Variants in OVGP1 observed in about 807,000 individuals in gnomAD.
OVGP1 encodes oviduct-specific glycoprotein.
A neutral mutation model predicts 48.2 loss-of-function variants in OVGP1; 26 were observed. The ratio of observed to expected loss-of-function variants is 0.54; its 90% CI spans 0.40 to 0.75. The LOEUF is 0.75. Ranked by LOEUF, OVGP1 falls within the 30% of genes least tolerant of loss-of-function variation. The probability of loss-of-function intolerance (pLI) is 0.00; values close to 1 mark genes in which losing one functional copy is unlikely to be tolerated. For synonymous variants in OVGP1, 294 were observed against 305.7 expected, an observed-to-expected ratio of 0.96 and a Z score of 0.40; for missense variants, 791 against 820.6, an observed-to-expected ratio of 0.96 and a Z score of 0.44.
chr1:111,418,717 C>T lies in OVGP1; in HGVS notation c.1020+893G>A, dbSNP rs533115118. ...TCATGCTTGGACACCTCTGTGTCCA[C>T]GCCCAGAGCTCCCAAAATGCCAACT... On this transcript the variant is annotated intron_variant, in intron 9 of 10. Transcript: ENST00000369732. 4.6e-5 allele frequency among the ~76,000 whole-genome samples: 7 copies of T among 152,352 alleles called. 1 individual carries two copies. The South Asian group carries it at 1.0e-3, about 23-fold the overall frequency.
intron 4 of OVGP1, among the ~76,000 whole-genome samples, chr1:111,424,877 C>T (rs372339528): frequency 1.6e-4 from 25 of 152,210 alleles, no homozygotes; most frequent in East Asian, 9.6e-4. Context: ...GTAATCTCCA[C>T]GTTGTCTCAT....
intron 3 of OVGP1, among the ~76,000 whole-genome samples, 155 bp downstream of exon 3, chr1:111,426,282 G>C (rs146132330): frequency 6.6e-6 from 1 of 152,182 alleles, no homozygotes; most frequent in Non-Finnish European, 1.5e-5. Flanking sequence ...TCTGTGACAA[G>C]GAGTTCTCAA....
chr1:111,426,834 A>G, intron 2 of OVGP1, 193 bp from the exon 3 acceptor site: 2 of 1,547,702 alleles, frequency 1.3e-6, no homozygotes, highest in Non-Finnish European at 1.7e-6. Flanking sequence ...CAGGAAGAAA[A>G]CAATGCCTTG....
In OVGP1 at chr1:111,414,779, C is replaced by A. The variant is rs2101720751; in HGVS notation, c.1722G>T (p.Val574=). ...CTGATATGTTTCTGGAGGGGACAGT[C>A]ACCTTTTCACGGGCCACAGCCTTCC... The part of the protein sequence containing the change: ...PRRKAVAREK[V]TVPSRNISVT... Residue 574 remains valine, a synonymous_variant, in exon 11 of 11, where the codon GTG becomes GTT. Transcript: ENST00000369732. 6.2e-7 allele frequency: 1 copy of A among 1,606,052 alleles called. No homozygotes were observed. The highest frequency in any genetic ancestry group is 1.1e-5 in the South Asian group (1 of 90,544).
intron 3 of OVGP1, 152 bp downstream of exon 3, chr1:111,426,285 G>A (rs1244672264): frequency 2.0e-6 from 2 of 985,706 alleles, no homozygotes; most frequent in Non-Finnish European, 2.9e-6. Context: ...GTGACAAGGA[G>A]TTCTCAAGTT....
chr1:111,419,756 G>T (rs1266023246), intron 8 of OVGP1, 30 bp from the exon 9 acceptor site: 2 of 1,351,038 alleles, frequency 1.5e-6, no homozygotes, highest in South Asian at 2.3e-5. Context: ...GTTAGTTCTG[G>T]GAAGTGCCAT....
At chr1:111,426,799 T>C in intron 2 of OVGP1, 158 bp from the exon 3 acceptor site, 1 of 1,547,612 alleles carries the variant, frequency 6.5e-7, no homozygotes, top group South Asian at 1.2e-5. Context: ...ACTGAGGTTC[T>C]ATTCCTCCCC....
At chr1:111,424,347 C>T (rs912888528) in intron 4 of OVGP1, among the ~76,000 whole-genome samples, 1 of 152,120 alleles carries the variant, frequency 6.6e-6, no homozygotes, top group African/African-American at 2.4e-5. Context: ...TGGAAAAATT[C>T]TAACTTATTG....
chr1:111,414,604 G>C lies in OVGP1; in HGVS notation c.1897C>G (p.Gln633Glu), dbSNP rs763567003. 1 of 1,614,218 alleles carries C rather than the reference G, an allele frequency of 6.2e-7. No homozygotes were observed. Among genetic ancestry groups the C allele is most frequent in the Non-Finnish European group, 8.5e-7 (1 of 1,180,042 alleles). The change falls in exon 11 of 11, where the codon CAA becomes GAA. Residue 633 changes from glutamine (Q) to glutamate (E), a missense_variant. By Grantham distance (29) the Gln-to-Glu change is conservative. Transcript: ENST00000369732. The part of the protein sequence containing the change: ...SSSPVIQLPE[Q>E]TPLAFDNRFV... ...CGGTTGTCAAAAGCTAGAGGAGTTT[G>C]TTCCGGGAGCTGGATGACGGGGCTG...
chr1:111,425,508 T>C, intron 3 of OVGP1, 69 bp from the exon 4 acceptor site: 1 of 1,605,290 alleles, frequency 6.2e-7, no homozygotes, highest in Non-Finnish European at 8.5e-7. Flanking sequence ...GCCACATTCT[T>C]TTATTTTGCT....
chr1:111,416,691 C>T (rs1178689401), intron 9 of OVGP1: 1 of 394,502 alleles, frequency 2.5e-6, no homozygotes, highest in Non-Finnish European at 4.5e-6. Context: ...AGGATAATAA[C>T]ATGTCCAACA....
In OVGP1 at chr1:111,421,522, G is replaced by T. The variant is rs1264885; in HGVS notation, c.717+43C>A. ...CTAAGAGCCAATGGCCTGAGCTCAG[G>T]GGGGCAGATGTCTGGACCACCTGAG... On this transcript the variant is annotated intron_variant, in intron 7 of 10. Transcript: ENST00000369732. The T allele has an allele frequency of 3.2e-3, 5,195 of 1,608,810 alleles. 126 individuals carry two copies. The African/African-American group carries it at 0.053, about 17-fold the overall frequency.
In OVGP1 at chr1:111,419,704, G is replaced by A. The variant is rs763371520; in HGVS notation, c.926C>T (p.Ala309Val). ...YFEICSFVWG[A>V]KKHWIDYQYV... ...CTGGTAATCAATCCAGTGCTTCTTC[G>A]CTCCCCAGACAAAGGAACAAATCTG... Residue 309 changes from alanine (A) to valine (V), a missense_variant, in exon 9 of 11, where the codon GCG becomes GTG. Physicochemically the swap from Ala to Val is moderately conservative, Grantham distance 64. Coordinates refer to ENST00000369732, the MANE Select transcript of OVGP1 (RefSeq NM_002557.4). The A allele has an allele frequency of 2.1e-5, 34 of 1,612,168 alleles. 1 individual carries two copies. The South Asian group carries it at 2.4e-4, about 11-fold the overall frequency.
At position 111,414,582 on chromosome 1, in the gene OVGP1, T is replaced by C. The variant is rs1652072687; in HGVS notation, c.1919A>G (p.Asn640Ser). The part of the protein sequence containing the change: ...LPEQTPLAFD[N>S]RFVPIYGNHS... ...GTTTCCATAGATGGGAACAAAGCGG[T>C]TGTCAAAAGCTAGAGGAGTTTGTTC... Residue 640 changes from asparagine (N) to serine (S), a missense_variant, in exon 11 of 11, where the codon AAC becomes AGC. Coordinates refer to ENST00000369732, the MANE Select transcript of OVGP1 (RefSeq NM_002557.4). 1 of 1,614,156 alleles carries C rather than the reference T, an allele frequency of 6.2e-7. No homozygotes were observed. The highest frequency in any genetic ancestry group is 8.5e-7 in the Non-Finnish European group (1 of 1,180,038).
At chr1:111,423,753 T>C (rs756286619) in intron 4 of OVGP1, 45 bp from the exon 5 acceptor site, 1 of 1,583,308 alleles carries the variant, frequency 6.3e-7, no homozygotes, top group East Asian at 2.2e-5. Context: ...ATCCACAGAA[T>C]CACAACCTCC....
At position 111,423,743 on chromosome 1, in the gene OVGP1, A is replaced by G. The variant is rs1245312118; in HGVS notation, c.318-35T>C. 3.1e-6 allele frequency: 5 copies of G among 1,597,640 alleles called. No homozygotes were observed. The East Asian group carries it at 6.7e-5, about 21-fold the overall frequency. On this transcript the variant is annotated intron_variant, in intron 4 of 10. Transcript: ENST00000369732. ...GACCAGGGGTAAGGCAAAGAACTCT[A>G]TCCACAGAATCACAACCTCCTACAA...
intron 8 of OVGP1, 149 bp downstream of exon 8, chr1:111,421,127 C>G (rs1398687587): frequency 1.8e-6 from 1 of 568,858 alleles, no homozygotes; most frequent in Non-Finnish European, 2.9e-6. Context: ...AAGAAAATAT[C>G]CCAGAGAGTG....
chr1:111,419,260 T>C (rs762152985), intron 9 of OVGP1, among the ~76,000 whole-genome samples: 1 of 152,204 alleles, frequency 6.6e-6, no homozygotes, highest in African/African-American at 2.4e-5. Context: ...TCAGTAATAT[T>C]TACAGAGCAC....
rs761693394 is a variant in OVGP1, at chr1:111,421,588, G to C, written c.694C>G (p.Leu232Val). 4 of 1,612,824 alleles carry C rather than the reference G, an allele frequency of 2.5e-6. No individual in the cohort carries two copies. Among genetic ancestry groups the C allele is most frequent in the Middle Eastern group, 1.7e-4 (1 of 6,060 alleles). Residue 232 changes from leucine to valine, a missense_variant, in exon 7 of 11, where the codon CTG (leucine) becomes GTG (valine). Coordinates refer to ENST00000369732, the MANE Select transcript of OVGP1 (RefSeq NM_002557.4). ...FTGHNSPLFS[L>V]PEDPKSSAYA... is the part of the protein sequence containing the mutation. ...ACCGAAGATTTGGGGTCTTCAGGCA[G>C]AGAGAAGAGGGGGCTATTATGTCCT... is the stretch of plus-strand genomic sequence containing the variant.
Sources: gnomAD v4.1 joint callset for allele counts (sites outside exome capture counted in the v4.1 genomes callset) on GRCh38, gnomAD v4.1.1 for gene constraint, MANE v1.5 for transcripts, NCBI Gene and HGNC (gene_info 2026-07-23, HGNC 2026-07-21) for gene names.